The following DACH2 variants were observed in gnomAD, a reference collection of about 807,000 sequenced individuals.
DACH2 encodes dachshund homolog 2.
In DACH2, 17 loss-of-function variants were observed where a neutral mutation model predicts 35.8. The ratio of observed to expected loss-of-function variants is 0.48; its 90% CI spans 0.33 to 0.71. The LOEUF (loss-of-function observed/expected upper bound fraction) is 0.71. Among genes scored for constraint, DACH2 ranks in the 30% least tolerant of loss-of-function variants. The pLI is 0.02. For missense variants in DACH2, 469 were observed against 472.7 expected (o/e 0.99, Z 0.07); for synonymous variants, 195 against 177.3 (o/e 1.10, Z -0.79).
intron 3 of DACH2, among the ~76,000 whole-genome samples, chrX:86,527,788 G>C (rs953649414): frequency 3.6e-5 from 4 of 111,644 alleles, no homozygotes; most frequent in Admixed American, 1.9e-4. Context: ...TTCCCAAGTC[G>C]TGTCATTTTG....
intron 3 of DACH2, among the ~76,000 whole-genome samples, chrX:86,548,149 A>T (rs1345303521): frequency 1.8e-5 from 2 of 111,486 alleles, no homozygotes; most frequent in South Asian, 7.4e-4. Context: ...ATTTCAGCTA[A>T]TCTACTTAGT....
At chrX:86,270,010 A>T (rs1050434147) in intron 1 of DACH2, among the ~76,000 whole-genome samples, 1 of 100,629 alleles carries the variant, frequency 9.9e-6, no homozygotes, top group Non-Finnish European at 2.0e-5. Flanking sequence ...TGTTTTAATT[A>T]TATATATATA....
At chrX:86,445,948 C>T (rs990484815) in intron 2 of DACH2, among the ~76,000 whole-genome samples, 3 of 111,427 alleles carry the variant, frequency 2.7e-5, no homozygotes, top group Non-Finnish European at 5.7e-5. Flanking sequence ...GTAAGTGAGA[C>T]GTTGATGTCC....
chrX:86,154,773 A>G (rs1299822779), intron 1 of DACH2, among the ~76,000 whole-genome samples: 1 of 111,658 alleles, frequency 9.0e-6, no homozygotes, highest in Admixed American at 9.6e-5. Flanking sequence ...TGTTATTCTT[A>G]GCTTGTTATC....
chrX:86,184,276 T>C, intron 1 of DACH2: 1 of 158,759 alleles, frequency 6.3e-6, no homozygotes. Flanking sequence ...GGTGTGATCT[T>C]GGCTCGCTGC....
chrX:86,238,129 A>C (rs922675876), intron 1 of DACH2, among the ~76,000 whole-genome samples: 1 of 112,332 alleles, frequency 8.9e-6, no homozygotes, highest in Admixed American at 9.4e-5. Context: ...ACAATAATAA[A>C]TATTTCACAG....
rs2034488340 is a variant in DACH2, at chrX:86,297,418, C to A, written c.489-79406C>A. ...GCTGTCTGAACACCGAAGCATATAG[C>A]AACCCCATCATAGGAGGTTAGTTGT... On this transcript the variant is annotated intron_variant, in intron 1 of 11. Transcript: ENST00000373125. 2.7e-5 allele frequency among the ~76,000 whole-genome samples: 3 copies of A among 111,951 alleles called. No individual in the cohort carries two copies. The South Asian group carries it at 1.1e-3, about 42-fold the overall frequency.
chrX:86,363,440 A>G (rs2035765312), intron 1 of DACH2, among the ~76,000 whole-genome samples: 1 of 111,779 alleles, frequency 8.9e-6, no homozygotes, highest in Non-Finnish European at 1.9e-5. Context: ...TACCATTAAA[A>G]TAATTTGATC....
intron 3 of DACH2, among the ~76,000 whole-genome samples, chrX:86,529,814 G>A (rs189637621): frequency 1.9e-3 from 215 of 110,786 alleles, no homozygotes; most frequent in African/African-American, 6.8e-3. Flanking sequence ...GAGAACATGT[G>A]ATGTTTGCCT....
chrX:86,435,737 G>A (rs1569398331), intron 2 of DACH2, among the ~76,000 whole-genome samples: 1 of 111,787 alleles, frequency 8.9e-6, no homozygotes, highest in Non-Finnish European at 1.9e-5. Context: ...ATTTAGTAGA[G>A]TATTAATTTG....
chrX:86,449,750 G>T (rs1172117805), intron 2 of DACH2, among the ~76,000 whole-genome samples: 1 of 111,192 alleles, frequency 9.0e-6, no homozygotes, highest in Non-Finnish European at 1.9e-5. Flanking sequence ...ATATTACTTT[G>T]ATCACATTAA....
chrX:86,519,292 A>G (rs2038517184), intron 3 of DACH2, among the ~76,000 whole-genome samples: 1 of 111,871 alleles, frequency 8.9e-6, no homozygotes, highest in African/African-American at 3.2e-5. Flanking sequence ...TCTGAATTCA[A>G]TATGCAAGTG....
rs1291863750 is a variant in DACH2 at position 86,814,737 on chromosome X, G to A, written c.1587G>A (p.Leu529=). ...AGGAGAAAAAAACCAAGAGAAAATT[G>A]CAGGAAGCCTTGGAATTTGAATCAA... The part of the protein sequence containing the change: ...LKKEKKTKRK[L]QEALEFESKR... The change falls in exon 10 of 12, where the codon TTG becomes TTA. Residue 529 remains leucine (L), a synonymous_variant. Transcript: ENST00000373125. 8.3e-7 allele frequency: 1 copy of A among 1,211,163 alleles called. No individual in the cohort carries two copies. The highest frequency in any genetic ancestry group is 2.2e-5 in the Admixed American group (1 of 45,971).
chrX:86,283,266 T>G (rs376632542), intron 1 of DACH2, among the ~76,000 whole-genome samples: 9 of 111,405 alleles, frequency 8.1e-5, no homozygotes, highest in African/African-American at 3.0e-4. Flanking sequence ...ATAGGGACAC[T>G]TTTACACTGT....
rs181783609 is a variant in DACH2 at position 86,161,386 on chromosome X, G to T, written c.488+12278G>T. 36 of 911,193 alleles carry T rather than the reference G, an allele frequency of 4.0e-5. No individual in the cohort carries two copies. The African/African-American group carries it at 6.4e-4, about 16-fold the overall frequency. 75.1% of individuals were successfully genotyped at this position (911,193 alleles called of 1,213,427 possible). ...GATACAGTAGTCATTACAGGTGTTA[G>T]CAGATCAAAACCTGGCAAATTACAT... On this transcript the variant is annotated intron_variant, in intron 1 of 11. Coordinates refer to ENST00000373125, the MANE Select transcript of DACH2 (RefSeq NM_053281.3).
intron 3 of DACH2, among the ~76,000 whole-genome samples, chrX:86,560,224 T>C (rs2039190924): frequency 1.8e-5 from 1 of 56,265 alleles, no homozygotes; most frequent in Non-Finnish European, 3.1e-5. Context: ...GGATATGAAA[T>C]TCTGGGTTGA....
At chrX:86,528,744 A>T (rs1465950260) in intron 3 of DACH2, among the ~76,000 whole-genome samples, 1 of 112,337 alleles carries the variant, frequency 8.9e-6, no homozygotes, top group African/African-American at 3.2e-5. Context: ...ACTATGCTTC[A>T]TACTTTTTAA....
chrX:86,199,014 C>T (rs2032070859), intron 1 of DACH2, among the ~76,000 whole-genome samples: 1 of 110,075 alleles, frequency 9.1e-6, no homozygotes, highest in Non-Finnish European at 1.9e-5. Context: ...CAAAAATTCT[C>T]GAGAAAATAC....
intron 2 of DACH2, among the ~76,000 whole-genome samples, chrX:86,491,089 T>C (rs769284681): frequency 9.0e-5 from 10 of 111,599 alleles, no homozygotes; most frequent in Admixed American, 7.7e-4. Context: ...TAGAAGTAAA[T>C]TGAGTTTCCT....
Sources: allele counts gnomAD v4.1 joint callset (sites outside exome capture counted in the v4.1 genomes callset), GRCh38; gene constraint gnomAD v4.1.1; transcripts MANE v1.5; gene names NCBI Gene and HGNC (gene_info 2026-07-23, HGNC 2026-07-21).